Variants in JAZF1 observed in about 807,000 individuals in gnomAD.
JAZF1 encodes the protein juxtaposed with another zinc finger protein 1.
In JAZF1, 8 loss-of-function variants were observed where a neutral mutation model predicts 26.4. That is an observed-to-expected ratio of 0.30 (90% CI 0.18 to 0.55). The LOEUF (loss-of-function observed/expected upper bound fraction) is 0.55, where lower values mean the gene tolerates loss of function less well. Ranked by LOEUF, JAZF1 falls within the 20% of genes least tolerant of loss-of-function variation. The pLI, the probability that JAZF1 is intolerant of heterozygous loss-of-function variation, is 0.94. For synonymous variants in JAZF1, 126 were observed against 122.3 expected (o/e 1.03, Z -0.20); for missense variants, 199 against 322.0 (o/e 0.62, Z 2.92).
chr7:27,887,408 G>GTATT (rs113116861), intron 3 of JAZF1, among the ~76,000 whole-genome samples: 9,507 of 151,748 alleles, frequency 0.063, 410 homozygotes, highest in Middle Eastern at 0.099. Flanking sequence ...CCACTGATTT[G>GTATT]TATTTATTTA....
intron 1 of JAZF1, among the ~76,000 whole-genome samples, chr7:28,130,661 C>T (rs1428588293): frequency 6.6e-6 from 1 of 152,176 alleles, no homozygotes; most frequent in African/African-American, 2.4e-5. Context: ...CTAATCTACT[C>T]AGGGTTTTCT....
At chr7:27,966,720 A>T (rs1050150681) in intron 2 of JAZF1, among the ~76,000 whole-genome samples, 5 of 152,198 alleles carry the variant, frequency 3.3e-5, no homozygotes, top group African/African-American at 1.2e-4. Flanking sequence ...ATGCTTTTAT[A>T]TTAGTTAAAG....
intron 2 of JAZF1, among the ~76,000 whole-genome samples, chr7:27,962,436 G>C (rs140581110): frequency 2.6e-5 from 4 of 152,320 alleles, no homozygotes; most frequent in Non-Finnish European, 5.9e-5. Flanking sequence ...ATGGCTGGGT[G>C]ATTCACAGTC....
chr7:27,849,453 C>T (rs77821959), intron 3 of JAZF1, among the ~76,000 whole-genome samples: 5,652 of 152,266 alleles, frequency 0.037, 311 homozygotes, highest in African/African-American at 0.12. Context: ...TTTAACCTGA[C>T]ACTGTCACAT....
In JAZF1 at chr7:28,120,501, CTTT is replaced by C. The variant is rs58448766; in HGVS notation, c.115+59959_115+59961del. Among the ~76,000 whole-genome samples, 53 of 59,010 alleles carry C rather than the reference CTTT, an allele frequency of 9.0e-4. 1 individual carries two copies. The highest frequency in any genetic ancestry group is 8.7e-3 in the East Asian group (8 of 918). 38.7% of individuals were successfully genotyped at this position (59,010 alleles called of 152,430 possible). ...TCTGAACCACTAGCCACACACAGTTCTTTTTTTTTTTTTTTTTTTTTTTTTGAG... is the reference window on the plus strand; with the variant it reads ...TCTGAACCACTAGCCACACACAGTTCTTTTTTTTTTTTTTTTTTTTTTGAG... On this transcript the variant is annotated intron_variant, in intron 1 of 4. Transcript: ENST00000283928.
chr7:28,157,791 C>T (rs2127950534), intron 1 of JAZF1, among the ~76,000 whole-genome samples: 1 of 152,238 alleles, frequency 6.6e-6, no homozygotes, highest in South Asian at 2.1e-4. Flanking sequence ...AACTCATGCA[C>T]CTACATACAC....
At chr7:28,159,006 C>T (rs1219566446) in intron 1 of JAZF1, among the ~76,000 whole-genome samples, 18 of 152,112 alleles carry the variant, frequency 1.2e-4, no homozygotes, top group Non-Finnish European at 2.4e-4. Context: ...GTGCACTTGG[C>T]TTTGAGTCCC....
At chr7:27,864,696 TA>T (rs113450342) in intron 3 of JAZF1, among the ~76,000 whole-genome samples, 9 of 151,796 alleles carry the variant, frequency 5.9e-5, no homozygotes, top group Non-Finnish European at 1.0e-4. Context: ...TCTCATTTCT[TA>T]AAAAAAAATC....
At chr7:28,146,188 T>C (rs1399618540) in intron 1 of JAZF1, among the ~76,000 whole-genome samples, 1 of 151,998 alleles carries the variant, frequency 6.6e-6, no homozygotes, top group African/African-American at 2.4e-5. Context: ...AAACAAAGAG[T>C]TGGAAATGCC....
At chr7:28,090,272 A>G (rs1260984192) in intron 1 of JAZF1, among the ~76,000 whole-genome samples, 2 of 152,234 alleles carry the variant, frequency 1.3e-5, no homozygotes, top group Non-Finnish European at 2.9e-5. Flanking sequence ...AATGAACATT[A>G]ACTGCCATTA....
In JAZF1 at chr7:27,968,934, A is replaced by G. The variant is rs115327781; in HGVS notation, c.188+22975T>C. 5.3e-3 allele frequency among the ~76,000 whole-genome samples: 812 copies of G among 152,316 alleles called. 10 individuals are homozygous for G. The highest frequency in any genetic ancestry group is 0.019 in the African/African-American group (772 of 41,574). ...CCAATAATAAAAATGAAAAAAAATC[A>G]ATCAAGTTTGTACGAATAATAGATA... On this transcript the variant is annotated intron_variant, in intron 2 of 4. Coordinates refer to ENST00000283928, the MANE Select transcript of JAZF1 (RefSeq NM_175061.4).
intron 1 of JAZF1, among the ~76,000 whole-genome samples, chr7:28,133,830 A>G (rs549531549): frequency 9.9e-5 from 15 of 152,256 alleles, no homozygotes; most frequent in African/African-American, 3.4e-4. Flanking sequence ...AGTCCTTCAC[A>G]TCACTCTGGT....
intron 1 of JAZF1, among the ~76,000 whole-genome samples, chr7:28,016,785 C>T (rs1267238897): frequency 6.6e-6 from 1 of 152,182 alleles, no homozygotes; most frequent in African/African-American, 2.4e-5. Context: ...TCGTTCTCTG[C>T]TTTCTTTTGT....
rs1243763035 is a variant in JAZF1, at chr7:27,863,561, G to T, written c.386-22694C>A. 2.6e-5 allele frequency among the ~76,000 whole-genome samples: 4 copies of T among 152,196 alleles called. No individual in the cohort carries two copies. In the East Asian group the frequency reaches 7.7e-4, roughly 29 times the overall value. On this transcript the variant is annotated intron_variant, in intron 3 of 4. Coordinates refer to ENST00000283928, the MANE Select transcript of JAZF1 (RefSeq NM_175061.4). ...TCATAGTGCAGCTAACTTTCTAAATGATGCTGTTTTCGTCTTTGCCATCCT... is the reference window on the plus strand; with the variant it reads ...TCATAGTGCAGCTAACTTTCTAAATTATGCTGTTTTCGTCTTTGCCATCCT...
intron 1 of JAZF1, among the ~76,000 whole-genome samples, chr7:28,103,927 T>A (rs1311833478): frequency 1.3e-5 from 2 of 152,160 alleles, no homozygotes; most frequent in Non-Finnish European, 2.9e-5. Flanking sequence ...TGGCTCCCCA[T>A]CTCCCAGAGA....
Position 27,832,710 on chromosome 7 carries a change from G to A in JAZF1, c.*90C>T. 1 of 1,061,786 alleles carries A rather than the reference G, an allele frequency of 9.4e-7. No individual in the cohort carries two copies. Among genetic ancestry groups the A allele is most frequent in the Non-Finnish European group, 1.3e-6 (1 of 752,100 alleles). 65.8% of individuals were successfully genotyped at this position (1,061,786 alleles called of 1,614,324 possible). On this transcript the variant is annotated 3_prime_UTR_variant, in exon 5 of 5. Coordinates refer to ENST00000283928, the MANE Select transcript of JAZF1 (RefSeq NM_175061.4). The stretch of plus-strand genomic sequence containing the variant: ...GCATTTAATTCTTTTTCTTTAAAGG[G>A]TTGCTGAATGCTTCCCCTGAAAAAA...
chr7:28,107,171 C>A (rs1390636976), intron 1 of JAZF1, among the ~76,000 whole-genome samples: 1 of 152,354 alleles, frequency 6.6e-6, no homozygotes, highest in East Asian at 1.9e-4. Context: ...CAAACACCAA[C>A]CAATCCACAA....
At chr7:28,123,223 G>A (rs891861294) in intron 1 of JAZF1, among the ~76,000 whole-genome samples, 2 of 152,026 alleles carry the variant, frequency 1.3e-5, no homozygotes, top group African/African-American at 2.4e-5. Flanking sequence ...CCTGTACTCC[G>A]AATCATGACC....
chr7:27,972,315 GC>G (rs979993550), intron 2 of JAZF1, among the ~76,000 whole-genome samples: 56 of 152,346 alleles, frequency 3.7e-4, no homozygotes, highest in African/African-American at 1.2e-3. Context: ...ACTGTGTAAA[GC>G]TCTGATTGGA....
Sources: gnomAD v4.1 joint callset for allele counts (sites outside exome capture counted in the v4.1 genomes callset) on GRCh38, gnomAD v4.1.1 for gene constraint, MANE v1.5 for transcripts, NCBI Gene and HGNC (gene_info 2026-07-23, HGNC 2026-07-21) for gene names.